ABLIM2: variants seen among roughly 807,000 people sequenced by gnomAD.
ABLIM2 encodes actin binding LIM protein family member 2, also known as actin-binding LIM protein 2.
Under a neutral mutation model 97.7 loss-of-function variants are expected in ABLIM2, and 53 were observed. The ratio of observed to expected loss-of-function variants is 0.54; its 90% CI spans 0.44 to 0.68. ABLIM2 has a LOEUF of 0.68. Ranked by LOEUF, ABLIM2 falls within the 30% of genes least tolerant of loss-of-function variation. The pLI is 0.00. For synonymous variants in ABLIM2, 361 were observed against 345.8 expected (o/e 1.04, Z -0.49); for missense variants, 835 against 867.2 (o/e 0.96, Z 0.47).
At position 8,075,695 on chromosome 4, in the gene ABLIM2, A is replaced by C. The variant is rs1379271088; in HGVS notation, c.675+1933T>G. ...CAACTGAGTGAGAACCTCTCCAAAAAAAGAAAAAAAAGAAAACCATTGACT... is the reference window on the plus strand; with the variant it reads ...CAACTGAGTGAGAACCTCTCCAAAACAAGAAAAAAAAGAAAACCATTGACT... On this transcript the variant is annotated intron_variant, in intron 6 of 20. Transcript: ENST00000447017. The surrounding 1 kb of genome is among the most constrained non-coding windows in gnomAD (Gnocchi z 4.4). Among the ~76,000 whole-genome samples, 1 of 152,196 alleles carries C rather than the reference A, an allele frequency of 6.6e-6. No homozygotes were observed. The highest frequency in any genetic ancestry group is 1.9e-4 in the East Asian group (1 of 5,190).
chr4:7,995,230 TG>T (rs1752424651), intron 16 of ABLIM2, among the ~76,000 whole-genome samples: 1 of 152,204 alleles, frequency 6.6e-6, no homozygotes, highest in Admixed American at 6.5e-5. Context: ...CACTAGCCTA[TG>T]GGGCCTTAAA....
chr4:8,114,156 C>A (rs748579593), intron 1 of ABLIM2, among the ~76,000 whole-genome samples: 1 of 152,180 alleles, frequency 6.6e-6, no homozygotes, highest in Non-Finnish European at 1.5e-5. Flanking sequence ...GGGCTGTGCC[C>A]GAGGGATTTG....
chr4:8,071,937 C>G lies in ABLIM2; in HGVS notation c.675+5691G>C, dbSNP rs989266918. On this transcript the variant is annotated intron_variant, in intron 6 of 20. Coordinates refer to ENST00000447017, the MANE Select transcript of ABLIM2 (RefSeq NM_001130083.2). The surrounding 1 kb of genome is among the most constrained non-coding windows in gnomAD (Gnocchi z 6.2). ...TGTCACCCAGCGGGGCACCGGCACACTGGGCCGAGCATCAGGCAGTGCCAC... is the reference window on the plus strand; with the variant it reads ...TGTCACCCAGCGGGGCACCGGCACAGTGGGCCGAGCATCAGGCAGTGCCAC... 6.1e-6 allele frequency: 6 copies of G among 985,364 alleles called. No homozygotes were observed. The African/African-American group carries it at 8.7e-5, about 14-fold the overall frequency. The allele number at this position is 985,364 out of a possible 1,614,324, so 61.0% of individuals were successfully genotyped here.
intron 16 of ABLIM2, among the ~76,000 whole-genome samples, chr4:7,993,537 T>C (rs1195997501): frequency 6.6e-6 from 1 of 152,102 alleles, no homozygotes; most frequent in Non-Finnish European, 1.5e-5. Flanking sequence ...ATTAGCCAGC[T>C]GTGGTGGTGC....
In ABLIM2 at chr4:8,044,669, G is replaced by GTC. The variant is rs1301449382; in HGVS notation, c.900+493_900+494dup. 2.5e-4 allele frequency among the ~76,000 whole-genome samples: 18 copies of GTC among 72,866 alleles called. No homozygotes were observed. The South Asian group carries it at 3.4e-3, about 14-fold the overall frequency. The allele number at this position is 72,866 out of a possible 152,430, so 47.8% of individuals were successfully genotyped here. ...ACACACACACACACACACACACAGA[G>GTC]TCTCTCTCTCTCTCTCTCTCTCGAA... On this transcript the variant is annotated intron_variant, in intron 9 of 20. Coordinates refer to ENST00000447017, the MANE Select transcript of ABLIM2 (RefSeq NM_001130083.2). The surrounding 1 kb of genome is among the most constrained non-coding windows in gnomAD (Gnocchi z 4.4).
In ABLIM2 at chr4:8,020,268, C is replaced by A. The variant is rs375921912; in HGVS notation, c.1303G>T (p.Val435Leu). Residue 435 changes from valine (V) to leucine (L), a missense_variant, in exon 13 of 21, where the codon GTG (valine) becomes TTG (leucine). By Grantham distance (32) the Val-to-Leu change is conservative. Transcript: ENST00000447017. ...ESGRSTPSLS[V>L]LSDSKPPPST... The stretch of plus-strand genomic sequence containing the variant: ...GGGGGCGGCTTGCTGTCAGAGAGCA[C>A]GGAGAGGCTGGGGGTGCTCCGGCCA... 4 of 1,613,698 alleles carry A rather than the reference C, an allele frequency of 2.5e-6. No homozygotes were observed. Among genetic ancestry groups the A allele is most frequent in the African/African-American group, 2.7e-5 (2 of 74,878 alleles).
At chr4:8,099,109 C>T (rs1232547497) in intron 2 of ABLIM2, among the ~76,000 whole-genome samples, 1 of 152,246 alleles carries the variant, frequency 6.6e-6, no homozygotes, top group East Asian at 1.9e-4. Context: ...CTCTGCACTC[C>T]ATGCTCTGGC....
intron 11 of ABLIM2, 39 bp from the exon 12 acceptor site, chr4:8,027,896 C>G (rs1323118172): frequency 9.0e-6 from 13 of 1,450,928 alleles, no homozygotes; most frequent in Admixed American, 2.2e-5. Flanking sequence ...TCAACCTGGG[C>G]TGGCTGGTGC....
intron 14 of ABLIM2, among the ~76,000 whole-genome samples, chr4:8,014,539 T>C (rs1295790825): frequency 6.6e-6 from 1 of 152,150 alleles, no homozygotes; most frequent in Non-Finnish European, 1.5e-5. Context: ...AGCATGGGCG[T>C]TGGAAACTAG....
Position 7,970,941 on chromosome 4 carries a change from G to A in ABLIM2, c.1825-3838C>T, listed in dbSNP as rs1262716935. Among the ~76,000 whole-genome samples the A allele has an allele frequency of 2.6e-5, 4 of 152,048 alleles. No homozygotes were observed. Among genetic ancestry groups the A allele is most frequent in the African/African-American group, 7.2e-5 (3 of 41,410 alleles). On this transcript the variant is annotated intron_variant, in intron 20 of 20. Coordinates refer to ENST00000447017, the MANE Select transcript of ABLIM2 (RefSeq NM_001130083.2). The surrounding 1 kb of genome is among the most constrained non-coding windows in gnomAD (Gnocchi z 5.3). Reference sequence around the variant, plus strand: ...GGGGGCTGACAGGGACCACCTCCCCGCAGGCTCCAGTCCTGTTTTCTGTCT... The same window carrying A: ...GGGGGCTGACAGGGACCACCTCCCCACAGGCTCCAGTCCTGTTTTCTGTCT...
rs1054243034 is a variant in ABLIM2 at position 8,110,417 on chromosome 4, T to C, written c.11-3780A>G. Among the ~76,000 whole-genome samples the C allele has an allele frequency of 7.9e-5, 12 of 151,932 alleles. No homozygotes were observed. In the South Asian group the frequency reaches 8.3e-4, roughly 11 times the overall value. On this transcript the variant is annotated intron_variant, in intron 1 of 20. Transcript: ENST00000447017. ...GCCTTCTGCATGCTGTGACCTCAGG[T>C]GAGGCCCTGAAACTCCTGGTCTTCT...
rs1043611813 is a variant in ABLIM2, at chr4:8,033,291, C to T, written c.1047+2858G>A. Among the ~76,000 whole-genome samples the T allele has an allele frequency of 1.3e-5, 2 of 152,184 alleles. No individual in the cohort carries two copies. The highest frequency in any genetic ancestry group is 4.8e-5 in the African/African-American group (2 of 41,446). ...TGAGCAAGCATTGGGAAAGAGAACG[C>T]CGTTCCCACAGCAGAGCGGGGAGGC... On this transcript the variant is annotated intron_variant, in intron 10 of 20. Transcript: ENST00000447017. The surrounding 1 kb of genome is among the most constrained non-coding windows in gnomAD (Gnocchi z 4.5).
chr4:8,020,337 G>A lies in ABLIM2; in HGVS notation c.1268-34C>T, dbSNP rs750693157. The A allele has an allele frequency of 2.6e-6, 4 of 1,564,948 alleles. No individual in the cohort carries two copies. The South Asian group carries it at 4.5e-5, about 18-fold the overall frequency. Reference sequence around the variant, plus strand: ...GGAAGGGCAAAGGCAGCAGATAGAAGGGGAAACGGGAAAGCAAAGTAGAAT... The same window carrying A: ...GGAAGGGCAAAGGCAGCAGATAGAAAGGGAAACGGGAAAGCAAAGTAGAAT... On this transcript the variant is annotated intron_variant, in intron 12 of 20. Coordinates refer to ENST00000447017, the MANE Select transcript of ABLIM2 (RefSeq NM_001130083.2).
In ABLIM2 at chr4:8,008,186, C is replaced by T; in HGVS notation, c.1491G>A (p.Trp497Ter). The T allele has an allele frequency of 6.2e-7, 1 of 1,613,360 alleles. No homozygotes were observed. The highest frequency in any genetic ancestry group is 2.2e-5 in the East Asian group (1 of 44,866). The change falls in exon 16 of 21, where the codon TGG becomes TGA. Residue 497 changes from tryptophan to a stop codon, truncating the protein, a stop_gained. Transcript: ENST00000447017. LOFTEE classifies it high-confidence loss of function. The part of the protein sequence containing the change: ...DQDNRKQKSS[W>*]LMLKGDADTR... Reference sequence around the variant, plus strand: ...TGTCTGCATCCCCCTTGAGCATCAGCCAGCTGCTCTTCTGCTGAAGGTAAA... The same window carrying T: ...TGTCTGCATCCCCCTTGAGCATCAGTCAGCTGCTCTTCTGCTGAAGGTAAA...
Position 8,031,116 on chromosome 4 carries a change from T to G in ABLIM2, c.1048-1340A>C, listed in dbSNP as rs527964651. 6.9e-4 allele frequency among the ~76,000 whole-genome samples: 105 copies of G among 152,340 alleles called. No homozygotes were observed. The Middle Eastern group carries it at 0.01, about 15-fold the overall frequency. On this transcript the variant is annotated intron_variant, in intron 10 of 20. Coordinates refer to ENST00000447017, the MANE Select transcript of ABLIM2 (RefSeq NM_001130083.2). ...CTCCTAAGGGCTGGACTGGGAATCC[T>G]GGCTGTGTGCAGGGAAGGAAGGAAG...
chr4:8,142,219 A>G (rs1027294047), intron 1 of ABLIM2, among the ~76,000 whole-genome samples: 12 of 152,110 alleles, frequency 7.9e-5, no homozygotes, highest in Non-Finnish European at 1.8e-4. Flanking sequence ...AGCCCCTCCC[A>G]GAGTGTCTGG....
rs538657471 is a variant in ABLIM2 at position 8,154,571 on chromosome 4, C to T, written c.10+4109G>A. Among the ~76,000 whole-genome samples, 12 of 152,376 alleles carry T rather than the reference C, an allele frequency of 7.9e-5. No homozygotes were observed. In the South Asian group the frequency reaches 2.3e-3, roughly 29 times the overall value. ...CTGGGATTACAGGCGTAAGCCACCG[C>T]ACCCGGCCAATTAAACCTGTTTTCT... On this transcript the variant is annotated intron_variant, in intron 1 of 20. Coordinates refer to ENST00000447017, the MANE Select transcript of ABLIM2 (RefSeq NM_001130083.2).
In ABLIM2 at chr4:8,122,229, G is replaced by A. The variant is rs932261793; in HGVS notation, c.11-15592C>T. On this transcript the variant is annotated intron_variant, in intron 1 of 20. Coordinates refer to ENST00000447017, the MANE Select transcript of ABLIM2 (RefSeq NM_001130083.2). The surrounding 1 kb of genome is among the most constrained non-coding windows in gnomAD (Gnocchi z 4.1). The stretch of plus-strand genomic sequence containing the variant: ...GATGGGGAGTCTCGCTGCCCCCTGT[G>A]CATCTCCATCATATCCGAATGGCCT... Among the ~76,000 whole-genome samples, 1 of 152,176 alleles carries A rather than the reference G, an allele frequency of 6.6e-6. No homozygotes were observed. Among genetic ancestry groups the A allele is most frequent in the Non-Finnish European group, 1.5e-5 (1 of 68,036 alleles).
rs1462247852 is a variant in ABLIM2, at chr4:7,984,880, G to C, written c.1694C>G (p.Ala565Gly). Reference sequence around the variant, plus strand: ...GGCATCCGGGTCTGCTCCACAGGGGGCCAGATTGGCATTCTGGAAGAGAAA... The same window carrying C: ...GGCATCCGGGTCTGCTCCACAGGGGCCCAGATTGGCATTCTGGAAGAGAAA... ...NGLDQRNANL[A>G]PCGADPDASW... is the part of the protein sequence containing the mutation. Residue 565 changes from alanine to glycine, a missense_variant, in exon 18 of 21, where the codon GCC (alanine) becomes GGC (glycine). Ala to Gly is a moderately conservative substitution (Grantham distance 60, BLOSUM62 0). Coordinates refer to ENST00000447017, the MANE Select transcript of ABLIM2 (RefSeq NM_001130083.2). The C allele has an allele frequency of 6.2e-6, 10 of 1,608,682 alleles. No individual in the cohort carries two copies. The highest frequency in any genetic ancestry group is 8.5e-6 in the Non-Finnish European group (10 of 1,177,918).
Sources: allele counts gnomAD v4.1 joint callset (sites outside exome capture counted in the v4.1 genomes callset), GRCh38; gene constraint gnomAD v4.1.1; non-coding constraint Gnocchi (gnomAD v3.1); transcripts MANE v1.5; gene names NCBI Gene and HGNC (gene_info 2026-07-23, HGNC 2026-07-21).